COMMD10: variants seen among roughly 807,000 people sequenced by gnomAD.
COMMD10 encodes the protein COMM domain containing 10, also known as COMM domain-containing protein 10.
COMMD10 carries 33 observed loss-of-function variants against 28.9 expected under a neutral mutation model. The observed-to-expected ratio is 1.14, with a 90% CI of 0.87 to 1.53. The LOEUF (loss-of-function observed/expected upper bound fraction) is 1.53, where lower values mean the gene tolerates loss of function less well. Among genes scored for constraint, COMMD10 ranks in the 40% most tolerant of loss-of-function variants. COMMD10 has a pLI of 0.00. For synonymous variants in COMMD10, 110 were observed against 81.7 expected (o/e 1.35, Z -1.87); for missense variants, 310 against 233.4 (o/e 1.33, Z -2.14).
intron 5 of COMMD10, among the ~76,000 whole-genome samples, chr5:116,156,317 T>C (rs1054574302): frequency 6.6e-6 from 1 of 152,166 alleles, no homozygotes; most frequent in South Asian, 2.1e-4. Flanking sequence ...ATTACTTAAC[T>C]GATTGAGGCT....
chr5:116,161,023 C>G (rs1170391998), intron 5 of COMMD10, among the ~76,000 whole-genome samples: 1 of 151,776 alleles, frequency 6.6e-6, no homozygotes, highest in African/African-American at 2.4e-5. Flanking sequence ...AATAGTAGGG[C>G]TTTGAAAAAA....
chr5:116,138,353 A>G (rs970629694), intron 5 of COMMD10, among the ~76,000 whole-genome samples: 6 of 152,012 alleles, frequency 3.9e-5, no homozygotes, highest in Admixed American at 2.6e-4. Flanking sequence ...GAATGGCTCT[A>G]TTAGGTTATG....
intron 2 of COMMD10, among the ~76,000 whole-genome samples, chr5:116,089,697 G>C (rs1750235085): frequency 6.6e-6 from 1 of 152,194 alleles, no homozygotes; most frequent in Non-Finnish European, 1.5e-5. Flanking sequence ...GAGTGGAGAG[G>C]AGAAGAGGTG....
chr5:116,112,550 G>T (rs80282932), intron 4 of COMMD10, among the ~76,000 whole-genome samples: 4 of 151,954 alleles, frequency 2.6e-5, no homozygotes, highest in Non-Finnish European at 5.9e-5. Flanking sequence ...ATAGGTGCGC[G>T]CCACCATGCA....
chr5:116,153,705 G>A (rs566991913), intron 5 of COMMD10, among the ~76,000 whole-genome samples: 1 of 152,110 alleles, frequency 6.6e-6, no homozygotes, highest in South Asian at 2.1e-4. Flanking sequence ...TGCTTCTATA[G>A]TGATTGGTTT....
chr5:116,113,394 A>C (rs2112740316), intron 4 of COMMD10, among the ~76,000 whole-genome samples: 1 of 129,370 alleles, frequency 7.7e-6, no homozygotes, highest in South Asian at 2.3e-4. Flanking sequence ...TATTTTGTTA[A>C]AGATTTTTGA....
At chr5:116,255,710 A>C (rs1750265086) in intron 5 of COMMD10, 1 of 151,474 alleles carries the variant, frequency 6.6e-6, no homozygotes, top group African/African-American at 2.4e-5. Context: ...AGTGTACGTA[A>C]ATGCTAACTG....
chr5:116,111,166 C>T (rs1751030126), intron 4 of COMMD10, among the ~76,000 whole-genome samples: 1 of 152,018 alleles, frequency 6.6e-6, no homozygotes, highest in South Asian at 2.1e-4. Flanking sequence ...CTTCTTTCCT[C>T]TGGTTAGTCT....
At chr5:116,286,076 T>C (rs1751211243) in intron 5 of COMMD10, among the ~76,000 whole-genome samples, 1 of 151,900 alleles carries the variant, frequency 6.6e-6, no homozygotes, top group South Asian at 2.1e-4. Flanking sequence ...TATTTATTCA[T>C]GATTTAGTCT....
At chr5:116,278,743 G>A (rs532680030) in intron 5 of COMMD10, among the ~76,000 whole-genome samples, 1 of 151,672 alleles carries the variant, frequency 6.6e-6, no homozygotes, top group Admixed American at 6.6e-5. Flanking sequence ...AAACACAAAA[G>A]CATTTGCCTT....
At chr5:116,131,405 GTGTA>G (rs558285575) in intron 4 of COMMD10, among the ~76,000 whole-genome samples, 7 of 151,748 alleles carry the variant, frequency 4.6e-5, no homozygotes, top group Non-Finnish European at 8.9e-5. Flanking sequence ...GTGTGTATGT[GTGTA>G]TGTATGTATG....
chr5:116,142,300 T>A (rs1752220043), intron 5 of COMMD10, among the ~76,000 whole-genome samples: 1 of 151,864 alleles, frequency 6.6e-6, no homozygotes, highest in Non-Finnish European at 1.5e-5. Flanking sequence ...TTCTTAATAA[T>A]TCTTACCCTG....
At chr5:116,085,267 C>A (rs925862233) in intron 1 of COMMD10, 174 bp downstream of exon 1, 11 of 600,940 alleles carry the variant, frequency 1.8e-5, no homozygotes, top group Non-Finnish European at 3.1e-5. Flanking sequence ...TGCGTGGGGC[C>A]GTGTAGCGCC....
At chr5:116,269,512 T>C (rs1375476596) in intron 5 of COMMD10, among the ~76,000 whole-genome samples, 1 of 151,780 alleles carries the variant, frequency 6.6e-6, no homozygotes, top group Non-Finnish European at 1.5e-5. Context: ...GTTAGAAAAA[T>C]TGGATTAGTC....
chr5:116,202,830 G>A (rs1394714163), intron 5 of COMMD10, among the ~76,000 whole-genome samples: 1 of 151,606 alleles, frequency 6.6e-6, no homozygotes, highest in Non-Finnish European at 1.5e-5. Flanking sequence ...CTCCCATTCT[G>A]TAGGTTTCCT....
intron 5 of COMMD10, among the ~76,000 whole-genome samples, chr5:116,161,174 A>C (rs1752903973): frequency 6.6e-6 from 1 of 152,080 alleles, no homozygotes; most frequent in African/African-American, 2.4e-5. Context: ...AAAACTACTG[A>C]TTATGTAGAA....
chr5:116,105,576 T>C (rs1750810634), intron 4 of COMMD10, among the ~76,000 whole-genome samples: 1 of 152,228 alleles, frequency 6.6e-6, no homozygotes, highest in Non-Finnish European at 1.5e-5. Flanking sequence ...TGGCTGTCAT[T>C]CTGTCTAGTC....
intron 5 of COMMD10, among the ~76,000 whole-genome samples, chr5:116,250,812 A>G (rs896509076): frequency 6.6e-6 from 1 of 151,958 alleles, no homozygotes; most frequent in African/African-American, 2.4e-5. Context: ...AAAGGACCAT[A>G]TCTGCAACTG....
intron 1 of COMMD10, 95 bp from the exon 2 acceptor site, chr5:116,087,402 C>T: frequency 2.6e-6 from 2 of 762,242 alleles, no homozygotes; most frequent in South Asian, 3.2e-5. Flanking sequence ...ATATAGCATT[C>T]AGAGTTGTTG....
Sources: allele counts gnomAD v4.1 joint callset (sites outside exome capture counted in the v4.1 genomes callset), GRCh38; gene constraint gnomAD v4.1.1; transcripts MANE v1.5; gene names NCBI Gene and HGNC (gene_info 2026-07-23, HGNC 2026-07-21).